The following MYOM3 variants were observed in gnomAD, a reference collection of about 807,000 sequenced individuals.
The protein encoded by MYOM3 is myomesin-3.
In MYOM3, 155 loss-of-function variants were observed where a neutral mutation model predicts 191.7. The observed-to-expected ratio is 0.81, with a 90% CI of 0.71 to 0.92. The LOEUF (loss-of-function observed/expected upper bound fraction) is 0.92. Ranked by LOEUF, MYOM3 falls within the 40% of genes least tolerant of loss-of-function variation. The pLI is 0.00. For synonymous variants in MYOM3, 757 were observed against 762.9 expected, an observed-to-expected ratio of 0.99 and a Z score of 0.13; for missense variants, 1,889 against 1,890.6, an observed-to-expected ratio of 1.00 and a Z score of 0.02.
chr1:24,075,516 A>G (rs1414821601), intron 21 of MYOM3, 41 bp from the exon 22 acceptor site: 2 of 1,517,016 alleles, frequency 1.3e-6, no homozygotes, highest in African/African-American at 1.4e-5. Context: ...ATGTTTATGC[A>G]TAATAAACCA....
In MYOM3 at chr1:24,068,378, C is replaced by A. The variant is rs1643480417; in HGVS notation, c.3151-11G>T. The A allele has an allele frequency of 6.2e-7, 1 of 1,613,942 alleles. No homozygotes were observed. Among genetic ancestry groups the A allele is most frequent in the African/African-American group, 1.3e-5 (1 of 74,920 alleles). ...ATTGATTTTGCGGTTCTGAAAAGGA[C>A]AAACTCCAGAGTCCTTTTCCCTGTT... On this transcript the variant is annotated splice_polypyrimidine_tract_variant and intron_variant, in intron 25 of 36. Transcript: ENST00000374434.
intron 5 of MYOM3, among the ~76,000 whole-genome samples, chr1:24,103,918 T>C (rs1035678130): frequency 1.3e-5 from 2 of 151,682 alleles, no homozygotes; most frequent in East Asian, 3.9e-4. Context: ...AATAATTAAA[T>C]AATTCCTTTT....
At chr1:24,070,324 A>G (rs961564434) in intron 25 of MYOM3, among the ~76,000 whole-genome samples, 3 of 152,136 alleles carry the variant, frequency 2.0e-5, no homozygotes, top group African/African-American at 7.2e-5. Context: ...CATTCAGTGT[A>G]TAGTAACATT....
At chr1:24,105,031 G>A (rs904021263) in intron 5 of MYOM3, among the ~76,000 whole-genome samples, 2 of 152,196 alleles carry the variant, frequency 1.3e-5, no homozygotes, top group Admixed American at 6.5e-5. Flanking sequence ...GACCTGGGCC[G>A]CGGCCATGCC....
rs541282943 is a variant in MYOM3, at chr1:24,110,745, A to T, written c.-19+1286T>A. Among the ~76,000 whole-genome samples the T allele has an allele frequency of 2.6e-5, 4 of 151,780 alleles. 1 individual carries two copies. The South Asian group carries it at 8.3e-4, about 32-fold the overall frequency. On this transcript the variant is annotated intron_variant, in intron 1 of 36. Transcript: ENST00000374434. ...CAGTCACCCTCTTTGGCTTCGTATC[A>T]CTCCCTCCCGATGGAAGAAGTTCTC...
rs1046141061 is a variant in MYOM3 at position 24,057,692 on chromosome 1, C to CA, written c.4051-66dup. 2.0e-5 allele frequency: 30 copies of CA among 1,501,216 alleles called. No individual in the cohort carries two copies. In the African/African-American group the frequency reaches 3.8e-4, roughly 19 times the overall value. 93.0% of individuals were successfully genotyped at this position (1,501,216 alleles called of 1,614,324 possible). A position where few individuals can be genotyped will look rare whatever the true frequency, so the allele number is the denominator to read the frequency against. On this transcript the variant is annotated intron_variant, in intron 36 of 36. Transcript: ENST00000374434. ...GTAACTTGAACTTAGCATTTGCTTT[C>CA]ATGCCCCCAGAGAGCTCCCAGCTCA...
chr1:24,100,026 G>T (rs757545029), intron 5 of MYOM3, among the ~76,000 whole-genome samples: 13 of 152,006 alleles, frequency 8.6e-5, no homozygotes, highest in Non-Finnish European at 1.5e-4. Flanking sequence ...CTTCCACCAC[G>T]CCCGGCTAAT....
chr1:24,099,872 T>A (rs1334278983), intron 5 of MYOM3, 97 bp from the exon 6 acceptor site: 3 of 934,852 alleles, frequency 3.2e-6, no homozygotes, highest in Non-Finnish European at 5.1e-6. Context: ...GTTTTTGTTT[T>A]GTTTTGTTTT....
intron 32 of MYOM3, among the ~76,000 whole-genome samples, chr1:24,062,524 C>G (rs1643383404): frequency 1.3e-5 from 2 of 152,146 alleles, no homozygotes; most frequent in Admixed American, 1.3e-4. Flanking sequence ...GTCTGCTCCA[C>G]AAGGCTGAGG....
At chr1:24,105,714 C>T (rs958372656) in intron 5 of MYOM3, among the ~76,000 whole-genome samples, 2 of 152,198 alleles carry the variant, frequency 1.3e-5, no homozygotes, top group African/African-American at 4.8e-5. Flanking sequence ...GCTATGATTA[C>T]TCCACTGCAC....
At chr1:24,100,729 A>G (rs1000031554) in intron 5 of MYOM3, among the ~76,000 whole-genome samples, 2 of 152,156 alleles carry the variant, frequency 1.3e-5, no homozygotes, top group Admixed American at 1.3e-4. Flanking sequence ...TCCTAAAAAT[A>G]CAAAAACATT....
At position 24,111,708 on chromosome 1, in the gene MYOM3, A is replaced by G. The variant is rs1644039394; in HGVS notation, c.-19+323T>C. On this transcript the variant is annotated intron_variant, in intron 1 of 36. Transcript: ENST00000374434. The surrounding 1 kb of genome is among the most constrained non-coding windows in gnomAD (Gnocchi z 4.7). ...CTCCCGCTTATCGCTGCTCCATCAC[A>G]GGAAAGACTCCAGTTCCCAGGGCAG... Among the ~76,000 whole-genome samples, 1 of 150,918 alleles carries G rather than the reference A, an allele frequency of 6.6e-6. No individual in the cohort carries two copies. Among genetic ancestry groups the G allele is most frequent in the Non-Finnish European group, 1.5e-5 (1 of 67,884 alleles).
intron 12 of MYOM3, 101 bp from the exon 13 acceptor site, chr1:24,090,219 C>T (rs903919541): frequency 1.5e-5 from 15 of 983,290 alleles, no homozygotes; most frequent in Non-Finnish European, 2.4e-5. Context: ...CGTCCCAGTC[C>T]TGGCCTTGCA....
intron 29 of MYOM3, among the ~76,000 whole-genome samples, chr1:24,065,474 G>A (rs1364865296): frequency 6.6e-6 from 1 of 152,028 alleles, no homozygotes; most frequent in African/African-American, 2.4e-5. Flanking sequence ...TTCCTGTCCC[G>A]ACTCCTAGAC....
Position 24,067,374 on chromosome 1 carries a change from T to TTC in MYOM3, c.3356-288_3356-287dup, listed in dbSNP as rs1334249823. On this transcript the variant is annotated intron_variant, in intron 27 of 36. Transcript: ENST00000374434. ...TTTCTTTCTTTCTTTCTTTCTTTCC[T>TTC]TCTTTCTTTCTTTTTCCTTCCTTCC... 2.1e-3 allele frequency among the ~76,000 whole-genome samples: 207 copies of TTC among 97,416 alleles called. 3 individuals carry two copies. Among genetic ancestry groups the TTC allele is most frequent in the Admixed American group, 2.7e-3 (25 of 9,226 alleles). The allele number at this position is 97,416 out of a possible 152,430, so 63.9% of individuals were successfully genotyped here.
intron 11 of MYOM3, among the ~76,000 whole-genome samples, 158 bp from the exon 12 acceptor site, chr1:24,091,154 C>T (rs4494091): frequency 7.2e-5 from 11 of 152,212 alleles, no homozygotes; most frequent in Non-Finnish European, 1.3e-4. Flanking sequence ...GCTCCAACCT[C>T]GGGCCCCCGG....
Position 24,063,836 on chromosome 1 carries a change from C to T in MYOM3, c.3622+236G>A, listed in dbSNP as rs1015578748. ...GGGACGGAGGAGTGAACTCAGGCTT[C>T]GGGTCTCCAAGCCTGGGCTCACTGT... On this transcript the variant is annotated intron_variant, in intron 30 of 36. Transcript: ENST00000374434. This position sits in a 1 kb window ranked among gnomAD's most constrained non-coding sequence, Gnocchi z 4.5. Among the ~76,000 whole-genome samples, 1 of 152,226 alleles carries T rather than the reference C, an allele frequency of 6.6e-6. No individual in the cohort carries two copies. The highest frequency in any genetic ancestry group is 2.4e-5 in the African/African-American group (1 of 41,540).
At chr1:24,079,920 G>A in intron 20 of MYOM3, 96 bp downstream of exon 20, 1 of 1,119,922 alleles carries the variant, frequency 8.9e-7, no homozygotes, top group Non-Finnish European at 1.3e-6. Context: ...CTTCCATTAA[G>A]TGAGAGCAGT....
rs144450023 is a variant in MYOM3 at position 24,108,189 on chromosome 1, TC to T, written c.162-117del. On this transcript the variant is annotated intron_variant, in intron 2 of 36. Coordinates refer to ENST00000374434, the MANE Select transcript of MYOM3 (RefSeq NM_152372.4). The stretch of plus-strand genomic sequence containing the variant: ...GGGCACCAGCAGGCAGGGCTGTGCC[TC>T]CCTCCTCATACTGGGGTCTCAGAAA... The T allele has an allele frequency of 3.9e-3, 3,722 of 959,152 alleles. 119 individuals carry two copies. In the African/African-American group the frequency reaches 0.056, roughly 14 times the overall value. 59.4% of individuals were successfully genotyped at this position (959,152 alleles called of 1,614,324 possible).
Sources: allele counts gnomAD v4.1 joint callset (sites outside exome capture counted in the v4.1 genomes callset), GRCh38; gene constraint gnomAD v4.1.1; non-coding constraint Gnocchi (gnomAD v3.1); transcripts MANE v1.5; gene names NCBI Gene and HGNC (gene_info 2026-07-23, HGNC 2026-07-21).